The following NALF1 variants were observed in gnomAD, a reference collection of about 807,000 sequenced individuals.
NALF1 encodes the protein family with sequence similarity 155 member A.
In NALF1, 3 loss-of-function variants were observed where a neutral mutation model predicts 48.4. That is an observed-to-expected ratio of 0.06 (90% CI 0.03 to 0.16). The LOEUF (loss-of-function observed/expected upper bound fraction) is 0.16. Ranked by LOEUF, NALF1 falls within the 10% of genes least tolerant of loss-of-function variation. NALF1 has a pLI of 1.00. For missense variants in NALF1, 526 were observed against 571.5 expected (o/e 0.92, Z 0.81); for synonymous variants, 262 against 245.7 (o/e 1.07, Z -0.62).
intron 1 of NALF1, among the ~76,000 whole-genome samples, chr13:107,635,833 G>C (rs1272599561): frequency 2.0e-5 from 3 of 152,040 alleles, no homozygotes; most frequent in Non-Finnish European, 2.9e-5. Context: ...TTAATTGATT[G>C]GCTTGAATAG....
chr13:107,678,716 G>A (rs974847456), intron 1 of NALF1, among the ~76,000 whole-genome samples: 4 of 152,188 alleles, frequency 2.6e-5, no homozygotes, highest in East Asian at 1.9e-4. Flanking sequence ...ACAAGGCAAC[G>A]TCTTCACAAC....
intron 2 of NALF1, among the ~76,000 whole-genome samples, chr13:107,207,855 G>A (rs542353054): frequency 3.9e-5 from 6 of 152,172 alleles, no homozygotes; most frequent in South Asian, 4.1e-4. Context: ...GTCTTGCTAC[G>A]TTGTCCAGAC....
chr13:107,836,854 T>G (rs533180439), intron 1 of NALF1, among the ~76,000 whole-genome samples: 1 of 152,180 alleles, frequency 6.6e-6, no homozygotes, highest in South Asian at 2.1e-4. Flanking sequence ...TCACAGCCCT[T>G]ATAAGCCCAT....
chr13:107,579,539 C>A (rs892007094), intron 1 of NALF1, among the ~76,000 whole-genome samples: 8 of 152,130 alleles, frequency 5.3e-5, no homozygotes, highest in Admixed American at 4.6e-4. Flanking sequence ...GGCCACATGG[C>A]CCCTTGTGTC....
intron 1 of NALF1, among the ~76,000 whole-genome samples, chr13:107,498,057 T>G (rs913715588): frequency 3.3e-5 from 5 of 152,166 alleles, no homozygotes; most frequent in Non-Finnish European, 5.9e-5. Context: ...ACGTGATATT[T>G]TATTAGTTTG....
At chr13:107,520,605 C>T (rs1876205944) in intron 1 of NALF1, among the ~76,000 whole-genome samples, 1 of 152,204 alleles carries the variant, frequency 6.6e-6, no homozygotes, top group Non-Finnish European at 1.5e-5. Context: ...TTTCTACATT[C>T]AATTCCTCAT....
rs886283135 is a variant in NALF1, at chr13:107,316,557, T to G, written c.916-105802A>C. On this transcript the variant is annotated intron_variant, in intron 1 of 2. Transcript: ENST00000375915. ...TATTTCTCCACATCCTCTCCAGCAC[T>G]TGTTGTTTCCTGACTTTTTAATGAT... 7.9e-5 allele frequency among the ~76,000 whole-genome samples: 12 copies of G among 152,118 alleles called. No homozygotes were observed. In the East Asian group the frequency reaches 2.1e-3, roughly 27 times the overall value.
At chr13:107,783,735 G>A (rs1463741090) in intron 1 of NALF1, among the ~76,000 whole-genome samples, 12 of 151,806 alleles carry the variant, frequency 7.9e-5, no homozygotes, top group Admixed American at 5.9e-4. Context: ...GCGGAAGGCC[G>A]CAGGGTCCTC....
In NALF1 at chr13:107,203,738, C is replaced by T. The variant is rs17432657; in HGVS notation, c.1087+6846G>A. Among the ~76,000 whole-genome samples the T allele has an allele frequency of 9.3e-3, 1,411 of 152,298 alleles. 10 individuals are homozygous for T. Among genetic ancestry groups the T allele is most frequent in the South Asian group, 0.03 (146 of 4,826 alleles). ...CACTTCTCAGGGCTGATTGAACTCCCGTCCCTGCAAGTGCTCCTGGCTTGG... is the reference window on the plus strand; with the variant it reads ...CACTTCTCAGGGCTGATTGAACTCCTGTCCCTGCAAGTGCTCCTGGCTTGG... On this transcript the variant is annotated intron_variant, in intron 2 of 2. Coordinates refer to ENST00000375915, the MANE Select transcript of NALF1 (RefSeq NM_001080396.3).
rs192542719 is a variant in NALF1 at position 107,558,633 on chromosome 13, T to A, written c.915+307049A>T. 7.9e-5 allele frequency among the ~76,000 whole-genome samples: 12 copies of A among 152,266 alleles called. No homozygotes were observed. The East Asian group carries it at 1.9e-3, about 25-fold the overall frequency. On this transcript the variant is annotated intron_variant, in intron 1 of 2. Transcript: ENST00000375915. Reference sequence around the variant, plus strand: ...GACGAGGTAGAGGTGGTGGAAGACATCCGGTGGTAGTAAATTTTATGTGTC... The same window carrying A: ...GACGAGGTAGAGGTGGTGGAAGACAACCGGTGGTAGTAAATTTTATGTGTC...
chr13:107,810,903 T>C (rs1306707973), intron 1 of NALF1, among the ~76,000 whole-genome samples: 1 of 152,184 alleles, frequency 6.6e-6, no homozygotes, highest in Non-Finnish European at 1.5e-5. Flanking sequence ...TTCTGTCCTC[T>C]TCTCTAGAAC....
At chr13:107,700,639 G>A (rs1026265931) in intron 1 of NALF1, among the ~76,000 whole-genome samples, 3 of 151,886 alleles carry the variant, frequency 2.0e-5, no homozygotes, top group Non-Finnish European at 4.4e-5. Flanking sequence ...CAGGACTACA[G>A]CAAACTAAAA....
At chr13:107,426,043 G>T (rs1458785728) in intron 1 of NALF1, among the ~76,000 whole-genome samples, 6 of 151,974 alleles carry the variant, frequency 3.9e-5, no homozygotes, top group African/African-American at 7.2e-5. Flanking sequence ...TTTTCCTCAG[G>T]ACCTTACTCG....
At chr13:107,839,496 G>A (rs775159170) in intron 1 of NALF1, among the ~76,000 whole-genome samples, 10 of 151,038 alleles carry the variant, frequency 6.6e-5, no homozygotes, top group Non-Finnish European at 1.2e-4. Context: ...CTGTTGCCAG[G>A]CATTGTACAA....
At position 107,854,193 on chromosome 13, in the gene NALF1, T is replaced by C. The variant is rs188755185; in HGVS notation, c.915+11489A>G. 2.6e-5 allele frequency among the ~76,000 whole-genome samples: 4 copies of C among 152,354 alleles called. No individual in the cohort carries two copies. The East Asian group carries it at 7.7e-4, about 29-fold the overall frequency. ...ATAAAAGGATTCATCTTTTCATAAGTGACTTTTAATATTCAATATATATAT... is the reference window on the plus strand; with the variant it reads ...ATAAAAGGATTCATCTTTTCATAAGCGACTTTTAATATTCAATATATATAT... On this transcript the variant is annotated intron_variant, in intron 1 of 2. Transcript: ENST00000375915.
intron 1 of NALF1, among the ~76,000 whole-genome samples, chr13:107,522,610 A>G (rs1419494904): frequency 6.9e-6 from 1 of 144,622 alleles, no homozygotes; most frequent in African/African-American, 2.5e-5. Flanking sequence ...AAATATCCAG[A>G]TTTTTTTTTT....
intron 1 of NALF1, among the ~76,000 whole-genome samples, chr13:107,571,776 C>A (rs931621052): frequency 6.6e-6 from 1 of 152,070 alleles, no homozygotes; most frequent in African/African-American, 2.4e-5. Flanking sequence ...TAGAGTGGTA[C>A]TGAATTGTAG....
Position 107,591,150 on chromosome 13 carries a change from T to C in NALF1, c.915+274532A>G, listed in dbSNP as rs542650329. On this transcript the variant is annotated intron_variant, in intron 1 of 2. Transcript: ENST00000375915. ...ACAATAGAATTCCCATTAAGATAAC[T>C]CAATAGTTTCGTGATGCCAAGTAAT... 8.0e-4 allele frequency among the ~76,000 whole-genome samples: 122 copies of C among 151,994 alleles called. 1 individual carries two copies. Among genetic ancestry groups the C allele is most frequent in the Middle Eastern group, 3.4e-3 (1 of 294 alleles).
chr13:107,790,277 A>G (rs569513087), intron 1 of NALF1, among the ~76,000 whole-genome samples: 3 of 152,368 alleles, frequency 2.0e-5, no homozygotes, highest in Admixed American at 2.0e-4. Context: ...ATGACAAAAA[A>G]CATTTACAGA....
Sources: allele counts gnomAD v4.1 joint callset (sites outside exome capture counted in the v4.1 genomes callset), GRCh38; gene constraint gnomAD v4.1.1; transcripts MANE v1.5; gene names NCBI Gene and HGNC (gene_info 2026-07-23, HGNC 2026-07-21).